The following ANO2 variants were observed in gnomAD, a reference collection of about 807,000 sequenced individuals.
ANO2 encodes the protein anoctamin-2.
In ANO2, 101 loss-of-function variants were observed where a neutral mutation model predicts 124.2. That is an observed-to-expected ratio of 0.81 (90% confidence interval 0.69 to 0.96). The LOEUF (loss-of-function observed/expected upper bound fraction) is 0.96. ANO2 is among the 40% of genes least tolerant of loss of function. The pLI is 0.00. For synonymous variants in ANO2, 486 were observed against 482.5 expected (o/e 1.01, Z -0.09); for missense variants, 1,293 against 1,274.5 (o/e 1.01, Z -0.22).
At chr12:5,667,205 C>T (rs553933678) in intron 14 of ANO2, among the ~76,000 whole-genome samples, 13 of 152,274 alleles carry the variant, frequency 8.5e-5, no homozygotes, top group Admixed American at 8.5e-4. Context: ...TTAAGTACAA[C>T]AGACTTTAGT....
rs60128304 is a variant in ANO2, at chr12:5,635,599, T to TCACACACACACACACA, written c.1621-268_1621-253dup. On this transcript the variant is annotated intron_variant, in intron 15 of 24. Coordinates refer to ENST00000682330, the MANE Select transcript of ANO2 (RefSeq NM_001364791.2). This position sits in a 1 kb window ranked among gnomAD's most constrained non-coding sequence, Gnocchi z 5.2. ...TTTTTGTCAGATTCCAAATGATTTA[T>TCACACACACACACACA]CACACACACACACACACACACACAC... Among the ~76,000 whole-genome samples the TCACACACACACACACA allele has an allele frequency of 6.2e-3, 912 of 146,876 alleles. 11 individuals carry two copies. The highest frequency in any genetic ancestry group is 0.02 in the African/African-American group (810 of 39,544).
intron 14 of ANO2, among the ~76,000 whole-genome samples, chr12:5,692,858 A>G (rs1252065490): frequency 2.0e-5 from 3 of 152,214 alleles, no homozygotes; most frequent in Non-Finnish European, 4.4e-5. Flanking sequence ...AACAAAGAAG[A>G]TTGAAAAGTA....
chr12:5,592,650 G>A (rs1277295533), intron 20 of ANO2, among the ~76,000 whole-genome samples: 2 of 152,146 alleles, frequency 1.3e-5, no homozygotes, highest in Admixed American at 1.3e-4. Context: ...GTTCTAAAAA[G>A]CAAGAAGGAA....
At chr12:5,651,636 G>T (rs1433066080) in intron 14 of ANO2, among the ~76,000 whole-genome samples, 2 of 152,106 alleles carry the variant, frequency 1.3e-5, no homozygotes, top group Non-Finnish European at 2.9e-5. Context: ...ACCTTCATTA[G>T]TGTTTACTTC....
chr12:5,854,561 CAT>C (rs567949933), intron 3 of ANO2, among the ~76,000 whole-genome samples: 27 of 152,296 alleles, frequency 1.8e-4, no homozygotes, highest in East Asian at 5.8e-4. Context: ...TCTCCATTCA[CAT>C]GTTTTCATTG....
intron 7 of ANO2, among the ~76,000 whole-genome samples, chr12:5,819,063 G>A (rs573783788): frequency 6.6e-6 from 1 of 152,202 alleles, no homozygotes; most frequent in Non-Finnish European, 1.5e-5. Context: ...GCAGTGAAAG[G>A]TGCATTCACA....
chr12:5,605,662 A>C (rs1214342232), intron 19 of ANO2, among the ~76,000 whole-genome samples: 2 of 152,108 alleles, frequency 1.3e-5, no homozygotes, highest in Non-Finnish European at 2.9e-5. Context: ...TATAGCAAAG[A>C]GTTGGGCTGT....
At chr12:5,738,531 G>A (rs1405921585) in intron 13 of ANO2, among the ~76,000 whole-genome samples, 1 of 152,156 alleles carries the variant, frequency 6.6e-6, no homozygotes, top group African/African-American at 2.4e-5. Context: ...CTGGTGTCAG[G>A]AGGCCTTGAA....
At chr12:5,818,901 G>T (rs144053935) in intron 7 of ANO2, among the ~76,000 whole-genome samples, 1 of 152,224 alleles carries the variant, frequency 6.6e-6, no homozygotes, top group East Asian at 1.9e-4. Flanking sequence ...AGAAAATGAT[G>T]AACTCAGGGA....
At chr12:5,747,250 A>G (rs1374444291) in intron 11 of ANO2, among the ~76,000 whole-genome samples, 6 of 152,254 alleles carry the variant, frequency 3.9e-5, no homozygotes, top group Non-Finnish European at 8.8e-5. Flanking sequence ...TGATGACAAA[A>G]TTAGCAACCT....
At chr12:5,934,957 C>T (rs1336307627) in intron 1 of ANO2, among the ~76,000 whole-genome samples, 1 of 152,182 alleles carries the variant, frequency 6.6e-6, no homozygotes, top group East Asian at 1.9e-4. Context: ...CCAATCATAG[C>T]TCCCACTCTC....
At chr12:5,872,983 T>A (rs1190687549) in intron 3 of ANO2, among the ~76,000 whole-genome samples, 1 of 152,180 alleles carries the variant, frequency 6.6e-6, no homozygotes, top group Non-Finnish European at 1.5e-5. Context: ...TATGTTAGTT[T>A]CCTTCAGCAA....
intron 19 of ANO2, among the ~76,000 whole-genome samples, chr12:5,603,961 A>AAG (rs1173918328): frequency 2.0e-5 from 3 of 151,272 alleles, no homozygotes; most frequent in African/African-American, 4.9e-5. Flanking sequence ...AAAAAAAAAA[A>AAG]AAAAGAAAAT....
intron 1 of ANO2, among the ~76,000 whole-genome samples, chr12:5,942,383 C>T (rs886831299): frequency 2.0e-5 from 3 of 152,224 alleles, no homozygotes; most frequent in African/African-American, 7.2e-5. Context: ...TAAAAACCTA[C>T]TAATGAAAAT....
chr12:5,586,174 G>A (rs1943101908), intron 20 of ANO2, among the ~76,000 whole-genome samples: 1 of 152,254 alleles, frequency 6.6e-6, no homozygotes, highest in Non-Finnish European at 1.5e-5. Context: ...TGAGGGCTGT[G>A]GTATCCAGAT....
At chr12:5,607,879 G>A (rs994538324) in intron 19 of ANO2, among the ~76,000 whole-genome samples, 2 of 152,204 alleles carry the variant, frequency 1.3e-5, no homozygotes, top group African/African-American at 4.8e-5. Flanking sequence ...CTACATTATG[G>A]TAAGTTGTAA....
At chr12:5,639,670 G>A (rs184383612) in intron 15 of ANO2, among the ~76,000 whole-genome samples, 1 of 152,290 alleles carries the variant, frequency 6.6e-6, no homozygotes, top group Admixed American at 6.5e-5. Flanking sequence ...AGTGAGCAAG[G>A]GGACAGGTGG....
At chr12:5,833,715 A>G (rs1336716646) in intron 4 of ANO2, among the ~76,000 whole-genome samples, 5 of 152,068 alleles carry the variant, frequency 3.3e-5, no homozygotes. Flanking sequence ...CCTATTGTGA[A>G]CTGCACATGT....
At chr12:5,608,270 C>T (rs1412139830) in intron 19 of ANO2, among the ~76,000 whole-genome samples, 1 of 150,502 alleles carries the variant, frequency 6.6e-6, no homozygotes, top group Non-Finnish European at 1.5e-5. Flanking sequence ...AGTCGAAGAT[C>T]CAGTAATCAT....
Sources: gnomAD v4.1 joint callset for allele counts (sites outside exome capture counted in the v4.1 genomes callset) on GRCh38, gnomAD v4.1.1 for gene constraint, Gnocchi (gnomAD v3.1) non-coding constraint, MANE v1.5 for transcripts, NCBI Gene and HGNC (gene_info 2026-07-23, HGNC 2026-07-21) for gene names.